The following E2F4 variants were observed in gnomAD, a reference collection of about 807,000 sequenced individuals.
The protein encoded by E2F4 is transcription factor E2F4.
In E2F4, 16 loss-of-function variants were observed where a neutral mutation model predicts 44.5. The observed-to-expected ratio is 0.36, with a 90% CI of 0.24 to 0.55. E2F4 has a LOEUF of 0.55. E2F4 is among the 20% of genes least tolerant of loss of function. The probability of loss-of-function intolerance (pLI) is 0.87; values close to 1 mark genes in which losing one functional copy is unlikely to be tolerated. For synonymous variants in E2F4, 242 were observed against 207.2 expected (o/e 1.17, Z -1.44); for missense variants, 473 against 522.1 (o/e 0.91, Z 0.92).
intron 3 of E2F4, 111 bp downstream of exon 3, chr16:67,193,281 C>A: frequency 6.6e-7 from 1 of 1,520,124 alleles, no homozygotes; most frequent in Non-Finnish European, 8.9e-7. Flanking sequence ...TGGCCATGGC[C>A]CAGCCTCAGG....
chr16:67,194,248 G>T, intron 4 of E2F4, 150 bp from the exon 5 acceptor site: 3 of 756,520 alleles, frequency 4.0e-6, no homozygotes, highest in Non-Finnish European at 6.3e-6. Flanking sequence ...AAGAGCTTTA[G>T]CTCTGCCTGG....
chr16:67,197,466 C>T, intron 7 of E2F4, 133 bp from the exon 8 acceptor site: 26 of 883,132 alleles, frequency 2.9e-5, no homozygotes, highest in Non-Finnish European at 4.7e-5. Context: ...GCCAGCTTGG[C>T]CTAGGCAGGA....
At chr16:67,197,447 A>G in intron 7 of E2F4, 152 bp from the exon 8 acceptor site, 1 of 749,674 alleles carries the variant, frequency 1.3e-6, no homozygotes. Flanking sequence ...AGTGAGGCCA[A>G]CAGACAGTGC....
intron 4 of E2F4, among the ~76,000 whole-genome samples, chr16:67,193,721 G>T (rs2084875958): frequency 6.6e-6 from 1 of 152,184 alleles, no homozygotes; most frequent in South Asian, 2.1e-4. Flanking sequence ...AGAAATTCTG[G>T]AGTGGGTCCC....
At position 67,194,698 on chromosome 16, in the gene E2F4, C is replaced by A; in HGVS notation, c.526C>A (p.Gln176Lys). The A allele has an allele frequency of 6.2e-7, 1 of 1,611,998 alleles. No individual in the cohort carries two copies. Among genetic ancestry groups the A allele is most frequent in the Non-Finnish European group, 8.5e-7 (1 of 1,178,126 alleles). Residue 176 changes from glutamine to lysine, a missense_variant, in exon 6 of 10, where the codon CAG (glutamine) becomes AAG (lysine). Around this residue, in one of 3 missense-constraint regions of E2F4, gnomAD observed 314 missense variants for 315.6 expected, o/e 0.99. Coordinates refer to ENST00000379378, the MANE Select transcript of E2F4 (RefSeq NM_001950.4). ...CACCCATCTCTAGGGTCTCAATGGG[C>A]AGAAGAAGTACCAGATTCACCTGAA... Reference protein sequence around the residue: ...EVPIPEGLNGQKKYQIHLKSV... With the variant: ...EVPIPEGLNGKKKYQIHLKSV...
At chr16:67,195,361 A>G (rs140931625) in intron 6 of E2F4, among the ~76,000 whole-genome samples, 1 of 152,214 alleles carries the variant, frequency 6.6e-6, no homozygotes, top group Non-Finnish European at 1.5e-5. Flanking sequence ...CGAACTCCTG[A>G]CCTCAAATGA....
chr16:67,194,815 T>G lies in E2F4; in HGVS notation c.643T>G (p.Leu215Val). ...VAVPVPPPED[L>V]LQSPSAVSTP... is the part of the protein sequence containing the mutation. Reference sequence around the variant, plus strand: ...TGTGCCTGTGCCACCACCTGAAGATTTGCTCCAGAGCCCATCTGCTGTTTC... The same window carrying G: ...TGTGCCTGTGCCACCACCTGAAGATGTGCTCCAGAGCCCATCTGCTGTTTC... The change falls in exon 6 of 10, where the codon TTG becomes GTG. Residue 215 changes from leucine to valine, a missense_variant. This residue lies in a region of E2F4 where 314 missense variants were observed against 315.6 expected (regional missense o/e 0.99). Coordinates refer to ENST00000379378, the MANE Select transcript of E2F4 (RefSeq NM_001950.4). The G allele has an allele frequency of 1.2e-6, 2 of 1,614,150 alleles. No homozygotes were observed. The highest frequency in any genetic ancestry group is 2.7e-5 in the African/African-American group (2 of 75,034).
rs764086212 is a variant in E2F4 at position 67,194,667 on chromosome 16, C to G, written c.514-19C>G. The G allele has an allele frequency of 6.2e-7, 1 of 1,605,034 alleles. No homozygotes were observed. Among genetic ancestry groups the G allele is most frequent in the Non-Finnish European group, 8.5e-7 (1 of 1,172,798 alleles). ...CTTACAATTCTACCCATCTCCCATC[C>G]CTTACCACCCATCTCTAGGGTCTCA... On this transcript the variant is annotated intron_variant, in intron 5 of 9. Transcript: ENST00000379378.
intron 5 of E2F4, 99 bp from the exon 6 acceptor site, chr16:67,194,587 T>TG: frequency 6.4e-7 from 1 of 1,569,272 alleles, no homozygotes; most frequent in Non-Finnish European, 8.7e-7. Context: ...ATGGGCATCC[T>TG]GGGTGGGAGA....
chr16:67,193,582 CAG>C, intron 4 of E2F4, 67 bp downstream of exon 4: 1 of 1,546,672 alleles, frequency 6.5e-7, no homozygotes, highest in South Asian at 1.1e-5. Context: ...GCACTGGGCT[CAG>C]TGTCTTAGGA....
intron 3 of E2F4, 73 bp from the exon 4 acceptor site, chr16:67,193,399 A>G (rs776931675): frequency 1.5e-5 from 24 of 1,588,304 alleles, no homozygotes; most frequent in Non-Finnish European, 1.9e-5. Context: ...GACCTTAGCT[A>G]AAGAATTGGG....
intron 4 of E2F4, 89 bp downstream of exon 4, chr16:67,193,604 C>G (rs1036332155): frequency 8.3e-6 from 12 of 1,440,860 alleles, no homozygotes; most frequent in Admixed American, 1.7e-5. Flanking sequence ...AGAGTTCTGT[C>G]TCTTAAGAGG....
chr16:67,197,842 G>C, intron 8 of E2F4, 25 bp from the exon 9 acceptor site: 1 of 1,614,040 alleles, frequency 6.2e-7, no homozygotes, highest in Non-Finnish European at 8.5e-7. Flanking sequence ...TGGAATGTTA[G>C]TAACTGAGCT....
In E2F4 at chr16:67,195,911, G is replaced by A. The variant is rs377030974; in HGVS notation, c.938G>A (p.Ser313Asn). Residue 313 changes from serine to asparagine, a missense_variant, in exon 7 of 10, where the codon AGC becomes AAC. Physicochemically the swap from Ser to Asn is conservative, Grantham distance 46. Transcript: ENST00000379378. Reference sequence around the variant, plus strand: ...CTGGACAGCAGCAGCAGCAGCAGCAGCAGCAGCAGCAGCAGCAGCAACAGT... The same window carrying A: ...CTGGACAGCAGCAGCAGCAGCAGCAACAGCAGCAGCAGCAGCAGCAACAGT... ...ALLDSSSSSS[S>N]SSSSSSNSNS... is the part of the protein sequence containing the mutation. The A allele has an allele frequency of 6.2e-7, 1 of 1,608,724 alleles. No individual in the cohort carries two copies. Among genetic ancestry groups the A allele is most frequent in the Non-Finnish European group, 8.5e-7 (1 of 1,175,734 alleles).
intron 7 of E2F4, among the ~76,000 whole-genome samples, chr16:67,196,821 T>C (rs2032977021): frequency 6.6e-6 from 1 of 152,144 alleles, no homozygotes; most frequent in African/African-American, 2.4e-5. Flanking sequence ...GACCCTTGGC[T>C]CTCACTCTAG....
chr16:67,195,522 C>T (rs1175591149), intron 6 of E2F4: 18 of 634,368 alleles, frequency 2.8e-5, no homozygotes, highest in Admixed American at 9.3e-5. Flanking sequence ...CCACTGGTGT[C>T]TCAATTGCCC....
chr16:67,197,629 T>C lies in E2F4; in HGVS notation c.1064T>C (p.Ile355Thr). The C allele has an allele frequency of 6.2e-7, 1 of 1,614,174 alleles. No individual in the cohort carries two copies. The highest frequency in any genetic ancestry group is 8.5e-7 in the Non-Finnish European group (1 of 1,180,014). Residue 355 changes from isoleucine (I) to threonine (T), a missense_variant, in exon 8 of 10, where the codon ATC (isoleucine) becomes ACC (threonine). Physicochemically the swap from Ile to Thr is moderately conservative, Grantham distance 89 (BLOSUM62 -1). This residue lies in a region of E2F4 where 314 missense variants were observed against 315.6 expected (regional missense o/e 0.99). Transcript: ENST00000379378. Reference protein sequence around the residue: ...VLELPKELSEIFDPTRECMSS... With the variant: ...VLELPKELSETFDPTRECMSS... The stretch of plus-strand genomic sequence containing the variant: ...GAACTCCCCAAAGAGCTGTCAGAAA[T>C]CTTTGATCCCACACGAGGTAGGCTG...
At chr16:67,194,188 A>G (rs2032930915) in intron 4 of E2F4, 1 of 568,784 alleles carries the variant, frequency 1.8e-6, no homozygotes, top group East Asian at 2.9e-5. Flanking sequence ...TTCACTCCAC[A>G]TAATTGAACC....
At chr16:67,194,223 G>T in intron 4 of E2F4, 175 bp from the exon 5 acceptor site, 1 of 632,134 alleles carries the variant, frequency 1.6e-6, no homozygotes, top group East Asian at 2.8e-5. Flanking sequence ...ACTGACCCTG[G>T]GCTCTCAGGA....
Sources: gnomAD v4.1 joint callset for allele counts (sites outside exome capture counted in the v4.1 genomes callset) on GRCh38, gnomAD v4.1.1 for gene constraint, gnomAD v4.1.1 regional missense constraint, MANE v1.5 for transcripts, NCBI Gene and HGNC (gene_info 2026-07-23, HGNC 2026-07-21) for gene names.